Variants in CEMIP2 observed in about 807,000 individuals in gnomAD.
CEMIP2 encodes the protein cell surface hyaluronidase CEMIP2.
CEMIP2 carries 79 observed loss-of-function variants against 146.9 expected under a neutral mutation model. That is an observed-to-expected ratio of 0.54 (90% confidence interval 0.45 to 0.65). The LOEUF (loss-of-function observed/expected upper bound fraction) is 0.65, where lower values mean the gene tolerates loss of function less well. CEMIP2 is among the 30% of genes least tolerant of loss of function. CEMIP2 has a pLI of 0.00. For missense variants in CEMIP2, 1,596 were observed against 1,696.2 expected (o/e 0.94, Z 1.04); for synonymous variants, 601 against 606.3 (o/e 0.99, Z 0.13).
intron 8 of CEMIP2, 53 bp from the exon 9 acceptor site, chr9:71,730,306 T>C: frequency 6.4e-7 from 1 of 1,561,346 alleles, no homozygotes; most frequent in Non-Finnish European, 8.8e-7. Flanking sequence ...GATTGTGATT[T>C]AAGTGACAAG....
chr9:71,724,193 G>T (rs1010596972), intron 11 of CEMIP2, among the ~76,000 whole-genome samples: 3 of 152,004 alleles, frequency 2.0e-5, no homozygotes, highest in Non-Finnish European at 2.9e-5. Context: ...TACTCAGGAG[G>T]CTGAGGCAGA....
intron 22 of CEMIP2, chr9:71,686,052 G>T: frequency 1.8e-6 from 1 of 557,082 alleles, no homozygotes; most frequent in Non-Finnish European, 3.2e-6. Context: ...CTTACAAGGG[G>T]TAACGCATAC....
At position 71,740,111 on chromosome 9, in the gene CEMIP2, C is replaced by T. The variant is rs748122995; in HGVS notation, c.1156G>A (p.Val386Met). 141 of 1,613,964 alleles carry T rather than the reference C, an allele frequency of 8.7e-5. 2 individuals are homozygous for T. In the South Asian group the frequency reaches 1.4e-3, roughly 16 times the overall value. The change falls in exon 5 of 24, where the codon GTG (valine) becomes ATG (methionine). Residue 386 changes from valine (V) to methionine (M), a missense_variant. By Grantham distance (21) the Val-to-Met change is conservative. Coordinates refer to ENST00000377044, the MANE Select transcript of CEMIP2 (RefSeq NM_013390.3). ...GTCACAGAGAACTTCTGGCCATCCA[C>T]AGTATAAAATTCTCTTTGGGCAAGA... is the stretch of plus-strand genomic sequence containing the variant. Reference protein sequence around the residue: ...KALAQREFYTVDGQKFSVTAY... With the variant: ...KALAQREFYTMDGQKFSVTAY...
Position 71,754,140 on chromosome 9 carries a change from C to A in CEMIP2, c.-12-3755G>T, listed in dbSNP as rs951426887. Among the ~76,000 whole-genome samples, 10 of 152,140 alleles carry A rather than the reference C, an allele frequency of 6.6e-5. 1 individual carries two copies. Among genetic ancestry groups the A allele is most frequent in the East Asian group, 5.8e-4 (3 of 5,182 alleles). On this transcript the variant is annotated intron_variant, in intron 1 of 23. Transcript: ENST00000377044. Reference sequence around the variant, plus strand: ...TGACGAGTTGATGGGTGCAGCAAACCAACATAGCACACGTATACCTATGTA... The same window carrying A: ...TGACGAGTTGATGGGTGCAGCAAACAAACATAGCACACGTATACCTATGTA...
At chr9:71,714,673 GTTTC>G (rs1447320722) in intron 15 of CEMIP2, among the ~76,000 whole-genome samples, 1 of 152,104 alleles carries the variant, frequency 6.6e-6, no homozygotes, top group African/African-American at 2.4e-5. Context: ...AACAAGACAA[GTTTC>G]TTTGTTATAA....
chr9:71,725,343 T>A (rs1823351821), intron 11 of CEMIP2, among the ~76,000 whole-genome samples: 1 of 152,086 alleles, frequency 6.6e-6, no homozygotes, highest in Admixed American at 6.6e-5. Context: ...TCTCTCGCCT[T>A]CTCCTTGCCC....
intron 2 of CEMIP2, among the ~76,000 whole-genome samples, chr9:71,749,657 G>A (rs1318952761): frequency 6.6e-6 from 1 of 151,672 alleles, no homozygotes; most frequent in African/African-American, 2.4e-5. Context: ...AGTGAGCCAA[G>A]AACACACCAC....
chr9:71,736,493 G>C (rs1388166898), intron 5 of CEMIP2, among the ~76,000 whole-genome samples: 1 of 152,102 alleles, frequency 6.6e-6, no homozygotes, highest in African/African-American at 2.4e-5. Context: ...ACATGATGGT[G>C]CCCCTGTCCA....
At chr9:71,711,995 C>T in intron 16 of CEMIP2, 88 bp downstream of exon 16, 8 of 1,440,872 alleles carry the variant, frequency 5.6e-6, no homozygotes, top group South Asian at 1.3e-5. Context: ...AGACTCGGTG[C>T]AAATCCTTTG....
chr9:71,700,930 C>T, intron 18 of CEMIP2, 106 bp from the exon 19 acceptor site: 1 of 1,038,680 alleles, frequency 9.6e-7, no homozygotes, highest in Non-Finnish European at 1.3e-6. Flanking sequence ...TCTTCCACTT[C>T]CTGCCCATAG....
chr9:71,765,735 G>T (rs555326993), intron 1 of CEMIP2, among the ~76,000 whole-genome samples: 2 of 152,246 alleles, frequency 1.3e-5, no homozygotes, highest in South Asian at 4.2e-4. Flanking sequence ...TATGTCCGGG[G>T]CTAGGCTCAT....
intron 1 of CEMIP2, among the ~76,000 whole-genome samples, chr9:71,765,988 T>TATTTTAGAG (rs1425191909): frequency 6.6e-6 from 1 of 152,140 alleles, no homozygotes; most frequent in African/African-American, 2.4e-5. Flanking sequence ...AGAGCACACA[T>TATTTTAGAG]CACAATGCAC....
intron 5 of CEMIP2, among the ~76,000 whole-genome samples, chr9:71,736,268 CCT>C (rs1175050083): frequency 6.6e-6 from 1 of 152,086 alleles, no homozygotes; most frequent in Admixed American, 6.5e-5. Context: ...TTGGAAGCAA[CCT>C]CTCTCTCTCC....
intron 4 of CEMIP2, 128 bp downstream of exon 4, chr9:71,744,890 C>T (rs1398417088): frequency 1.0e-6 from 1 of 966,474 alleles, no homozygotes; most frequent in South Asian, 1.6e-5. Context: ...AGCTACCAGA[C>T]ATGCAAATGG....
intron 17 of CEMIP2, among the ~76,000 whole-genome samples, chr9:71,708,890 A>C (rs778091942): frequency 6.6e-6 from 1 of 152,202 alleles, no homozygotes; most frequent in Non-Finnish European, 1.5e-5. Context: ...CCCCAAAAGC[A>C]AAGGATAAAA....
intron 10 of CEMIP2, among the ~76,000 whole-genome samples, chr9:71,728,251 G>GTATA (rs1156285845): frequency 7.0e-5 from 1 of 14,290 alleles, no homozygotes. Context: ...ATATATATAT[G>GTATA]TATATACACG....
rs25688 is a variant in CEMIP2, at chr9:71,745,318, C to T, written c.734G>A (p.Arg245Lys). 0.081 allele frequency: 130,504 copies of T among 1,613,434 alleles called. 6,312 individuals carry two copies. The highest frequency in any genetic ancestry group is 0.19 in the South Asian group (17,285 of 91,088). Residue 245 changes from arginine (R) to lysine (K), a missense_variant, in exon 4 of 24, where the codon AGG becomes AAG. Coordinates refer to ENST00000377044, the MANE Select transcript of CEMIP2 (RefSeq NM_013390.3). Reference protein sequence around the residue: ...ARKASWTLLARTLNSSGLPFG... With the variant: ...ARKASWTLLAKTLNSSGLPFG... Reference sequence around the variant, plus strand: ...GGGCAAGCCTGAGGAATTCAGGGTCCTTGCCAACAACGTCCACGATGCCTT... The same window carrying T: ...GGGCAAGCCTGAGGAATTCAGGGTCTTTGCCAACAACGTCCACGATGCCTT...
At chr9:71,729,970 T>C in intron 9 of CEMIP2, 56 bp from the exon 10 acceptor site, 2 of 1,612,944 alleles carry the variant, frequency 1.2e-6, no homozygotes, top group Non-Finnish European at 1.7e-6. Context: ...TCCTGCCCAC[T>C]AAAAACTTCC....
chr9:71,707,582 T>C (rs1822784697), intron 17 of CEMIP2, among the ~76,000 whole-genome samples: 1 of 152,180 alleles, frequency 6.6e-6, no homozygotes, highest in African/African-American at 2.4e-5. Context: ...CTCCAATTAT[T>C]GAAAGCTCAG....
Sources: gnomAD v4.1 joint callset for allele counts (sites outside exome capture counted in the v4.1 genomes callset) on GRCh38, gnomAD v4.1.1 for gene constraint, MANE v1.5 for transcripts, NCBI Gene and HGNC (gene_info 2026-07-23, HGNC 2026-07-21) for gene names.